Variants in PLPP5 observed in about 807,000 individuals in gnomAD.
The protein encoded by PLPP5 is phospholipid phosphatase 5, also known as diacylglycerol pyrophosphate like 1.
In PLPP5, 29 loss-of-function variants were observed where a neutral mutation model predicts 23.6. The ratio of observed to expected loss-of-function variants is 1.23; its 90% CI spans 0.92 to 1.68. PLPP5 has a LOEUF of 1.68. Among genes scored for constraint, PLPP5 ranks in the 40% most tolerant of loss-of-function variants. PLPP5 has a pLI of 0.00. For missense variants in PLPP5, 315 were observed against 332.1 expected (o/e 0.95, Z 0.40); for synonymous variants, 143 against 131.3 (o/e 1.09, Z -0.61).
intron 6 of PLPP5, 21 bp from the exon 7 acceptor site, chr8:38,264,625 G>T: frequency 6.4e-7 from 1 of 1,571,234 alleles, no homozygotes; most frequent in East Asian, 2.3e-5. Flanking sequence ...TGGAAACAAG[G>T]TCTTCTCTTA....
Position 38,267,260 on chromosome 8 carries a change from T to C in PLPP5, c.463+7A>G. Reference sequence around the variant, plus strand: ...AGCATAGGGTAGAGTCCATATGATATTCATACAGGAAGAATGTCCACTGGG... The same window carrying C: ...AGCATAGGGTAGAGTCCATATGATACTCATACAGGAAGAATGTCCACTGGG... On this transcript the variant is annotated splice_region_variant and intron_variant, in intron 5 of 6. Transcript: ENST00000424479. The C allele has an allele frequency of 1.2e-6, 2 of 1,613,970 alleles. No individual in the cohort carries two copies. Among genetic ancestry groups the C allele is most frequent in the East Asian group, 2.2e-5 (1 of 44,894 alleles).
In PLPP5 at chr8:38,264,330, CA is replaced by C. The variant is rs1807264785; in HGVS notation, c.*113del. On this transcript the variant is annotated 3_prime_UTR_variant, in exon 7 of 7. Coordinates refer to ENST00000424479, the MANE Select transcript of PLPP5 (RefSeq NM_001102559.2). ...CTAATTTTTGTATTTTTAGTAGAGACAGGGTTCACCATGTTGGCCAGGCTGG... is the reference window on the plus strand; with the variant it reads ...CTAATTTTTGTATTTTTAGTAGAGACGGGTTCACCATGTTGGCCAGGCTGG... The C allele has an allele frequency of 2.3e-6, 2 of 861,818 alleles. No individual in the cohort carries two copies. The highest frequency in any genetic ancestry group is 3.3e-6 in the Non-Finnish European group (2 of 607,556). The allele number at this position is 861,818 out of a possible 1,614,324, so 53.4% of individuals were successfully genotyped here.
chr8:38,268,225 G>T (rs1808011648), intron 3 of PLPP5, 146 bp downstream of exon 3: 1 of 1,050,332 alleles, frequency 9.5e-7, no homozygotes, highest in Non-Finnish European at 1.3e-6. Context: ...AGTCCCTGCA[G>T]TGCTATTTTC....
intron 3 of PLPP5, 33 bp downstream of exon 3, chr8:38,268,338 C>T: frequency 6.5e-7 from 1 of 1,538,112 alleles, no homozygotes; most frequent in Non-Finnish European, 8.8e-7. Context: ...GTTCCCAGCA[C>T]GAAGAAACCG....
At chr8:38,267,042 A>C in intron 5 of PLPP5, 1 of 1,416,206 alleles carries the variant, frequency 7.1e-7, no homozygotes, top group Non-Finnish European at 9.2e-7. Flanking sequence ...ATAATATAAC[A>C]ATTAAATGTG....
chr8:38,266,973 T>C (rs924881365), intron 5 of PLPP5: 29 of 1,180,266 alleles, frequency 2.5e-5, no homozygotes, highest in East Asian at 9.7e-5. Context: ...ACCTGACACA[T>C]AGAAACTCTT....
chr8:38,268,819 G>A, intron 2 of PLPP5, 63 bp downstream of exon 2: 1 of 1,464,342 alleles, frequency 6.8e-7, no homozygotes, highest in South Asian at 1.4e-5. Flanking sequence ...GGTGGAAAAC[G>A]CACAGGTGCC....
rs866082792 is a variant in PLPP5, at chr8:38,267,316, C to CTT, written c.412_413dup (p.Asp139ArgfsTer4). On this transcript the variant is annotated frameshift_variant, in exon 5 of 7. Coordinates refer to ENST00000424479, the MANE Select transcript of PLPP5 (RefSeq NM_001102559.2). LOFTEE classifies it high-confidence loss of function. ...TCTTTCGGCCCTCATTCACCACGTC[C>CTT]TTATCCCCTGTACACATCAAGTCAG... is the stretch of plus-strand genomic sequence containing the variant. 4.3e-6 allele frequency: 7 copies of CTT among 1,613,894 alleles called. No homozygotes were observed. The highest frequency in any genetic ancestry group is 5.9e-6 in the Non-Finnish European group (7 of 1,179,904).
In PLPP5 at chr8:38,266,277, G is replaced by C. The variant is rs777326360; in HGVS notation, c.498C>G (p.Tyr166Ter). ...AFAGLAFASF[Y>*]LAGKLHCFTP... is the part of the protein sequence containing the mutation. ...TGAAGCAGTGTAACTTCCCTGCCAG[G>C]TAGAAGGACGCAAAGGCCAGACCAG... The change falls in exon 6 of 7, where the codon TAC becomes TAG. Residue 166 changes from tyrosine to a stop codon, truncating the protein, a stop_gained. Transcript: ENST00000424479. LOFTEE classifies it high-confidence loss of function. The C allele has an allele frequency of 5.0e-6, 8 of 1,613,630 alleles. No individual in the cohort carries two copies. The East Asian group carries it at 1.8e-4, about 36-fold the overall frequency.
At chr8:38,268,172 G>A (rs1360565069) in intron 3 of PLPP5, 199 bp downstream of exon 3, 1 of 1,248,320 alleles carries the variant, frequency 8.0e-7, no homozygotes. Flanking sequence ...ATAACCCAGT[G>A]CATTTAGGCA....
chr8:38,264,898 CAAAGG>C, intron 6 of PLPP5: 2 of 1,612,692 alleles, frequency 1.2e-6, no homozygotes, highest in Non-Finnish European at 1.7e-6. Flanking sequence ...AGAAGAGTAA[CAAAGG>C]TCCACTTATT....
chr8:38,266,695 C>A (rs191182871), intron 5 of PLPP5, among the ~76,000 whole-genome samples: 2 of 152,248 alleles, frequency 1.3e-5, no homozygotes, highest in African/African-American at 2.4e-5. Flanking sequence ...CCACCACACC[C>A]GGCCATGAGG....
rs978648598 is a variant in PLPP5, at chr8:38,263,411, A to G, written c.*1033T>C. On this transcript the variant is annotated 3_prime_UTR_variant, in exon 7 of 7. Coordinates refer to ENST00000424479, the MANE Select transcript of PLPP5 (RefSeq NM_001102559.2). Reference sequence around the variant, plus strand: ...TGTTGGTGCATTTGAGCAGATCTTCAGTCATGAATGGAAGGAAAGAAGCTC... The same window carrying G: ...TGTTGGTGCATTTGAGCAGATCTTCGGTCATGAATGGAAGGAAAGAAGCTC... 8 of 985,332 alleles carry G rather than the reference A, an allele frequency of 8.1e-6. No homozygotes were observed. In the African/African-American group the frequency reaches 1.4e-4, roughly 17 times the overall value. The allele number at this position is 985,332 out of a possible 1,614,324, so 61.0% of individuals were successfully genotyped here. A position where few individuals can be genotyped will look rare whatever the true frequency, so the allele number is the denominator to read the frequency against.
Position 38,268,375 on chromosome 8 carries a change from G to A in PLPP5, c.270C>T (p.Cys90=). Reference sequence around the variant, plus strand: ...CCCGAAAGGGCTAGCGCTCACCCAGGCAGGCTTGTCTGCTGTCTCTTGTGT... The same window carrying A: ...CCCGAAAGGGCTAGCGCTCACCCAGACAGGCTTGTCTGCTGTCTCTTGTGT... ...KADTRDSRQA[C]LAASLALALN... is the part of the protein sequence containing the mutation. Residue 90 remains cysteine (C), a synonymous_variant, in exon 3 of 7, where the codon TGC becomes TGT. Transcript: ENST00000424479. 1 of 1,566,330 alleles carries A rather than the reference G, an allele frequency of 6.4e-7. No homozygotes were observed. The highest frequency in any genetic ancestry group is 8.7e-7 in the Non-Finnish European group (1 of 1,155,190).
intron 5 of PLPP5, chr8:38,267,006 A>C (rs1807717828): frequency 7.4e-7 from 1 of 1,351,972 alleles, no homozygotes; most frequent in Non-Finnish European, 9.5e-7. Context: ...TTTTATTGCT[A>C]GTACAAGATT....
chr8:38,267,126 A>C, intron 5 of PLPP5, 141 bp downstream of exon 5: 1 of 1,534,440 alleles, frequency 6.5e-7, no homozygotes, highest in Non-Finnish European at 8.8e-7. Context: ...GACTTGTTAA[A>C]CTGTGGAGTT....
Position 38,267,341 on chromosome 8 carries a change from G to T in PLPP5, c.389C>A (p.Ser130Tyr). 6.2e-7 allele frequency: 1 copy of T among 1,613,994 alleles called. No individual in the cohort carries two copies. The highest frequency in any genetic ancestry group is 2.2e-5 in the East Asian group (1 of 44,890). Residue 130 changes from serine to tyrosine, a missense_variant, in exon 5 of 7, where the codon TCT becomes TAT. Transcript: ENST00000424479. Reference sequence around the variant, plus strand: ...CTTATCCCCTGTACACATCAAGTCAGAATGGGCTAGCCCATCAGGGAAGCA... The same window carrying T: ...CTTATCCCCTGTACACATCAAGTCATAATGGGCTAGCCCATCAGGGAAGCA... ...YRCFPDGLAH[S>Y]DLMCTGDKDV...
Position 38,266,143 on chromosome 8 carries a change from T to G in PLPP5, c.632A>C (p.Gln211Pro), listed in dbSNP as rs771683268. 1 of 1,613,960 alleles carries G rather than the reference T, an allele frequency of 6.2e-7. No homozygotes were observed. The highest frequency in any genetic ancestry group is 1.1e-5 in the South Asian group (1 of 91,046). The change falls in exon 6 of 7, where the codon CAA (glutamine) becomes CCA (proline). Residue 211 changes from glutamine to proline, a missense_variant and splice_region_variant. Coordinates refer to ENST00000424479, the MANE Select transcript of PLPP5 (RefSeq NM_001102559.2). The part of the protein sequence containing the change: ...SRTCDYKHHW[Q>P]DVLVGSMIGM... ...CATAGCCTGAGTACTTTGCTTACCTTGCCAGTGATGCTTGTAGTCACATGT... is the reference window on the plus strand; with the variant it reads ...CATAGCCTGAGTACTTTGCTTACCTGGCCAGTGATGCTTGTAGTCACATGT...
intron 3 of PLPP5, 171 bp downstream of exon 3, chr8:38,268,200 T>C (rs1197728935): frequency 9.1e-7 from 1 of 1,095,224 alleles, no homozygotes; most frequent in Non-Finnish European, 1.3e-6. Context: ...GCCTGCCGTG[T>C]AGCCTGCGTA....
Sources: gnomAD v4.1 joint callset for allele counts (sites outside exome capture counted in the v4.1 genomes callset) on GRCh38, gnomAD v4.1.1 for gene constraint, MANE v1.5 for transcripts, NCBI Gene and HGNC (gene_info 2026-07-23, HGNC 2026-07-21) for gene names.